The following NELFB variants were observed in gnomAD, a reference collection of about 807,000 sequenced individuals.
The protein encoded by NELFB is negative elongation factor complex member B, also known as negative elongation factor B.
A neutral mutation model predicts 60.2 loss-of-function variants in NELFB; 34 were observed. The observed-to-expected ratio is 0.56, with a 90% CI of 0.43 to 0.75. NELFB has a LOEUF of 0.75. Among genes scored for constraint, NELFB ranks in the 30% least tolerant of loss-of-function variants. The pLI is 0.00. For missense variants in NELFB, 770 were observed against 831.6 expected (o/e 0.93, Z 0.91); for synonymous variants, 459 against 382.1 (o/e 1.20, Z -2.35).
rs1271490069 is a variant in NELFB, at chr9:137,269,424, T to G, written c.1489+2078T>G. On this transcript the variant is annotated intron_variant, in intron 10 of 12. Transcript: ENST00000343053. The surrounding 1 kb of genome is among the most constrained non-coding windows in gnomAD (Gnocchi z 5.3). ...GGGCAGAGCCGGTTTGTTTATTTTT[T>G]GAGACTTCCGGGAACATAGTTATAA... Among the ~76,000 whole-genome samples, 1 of 152,206 alleles carries G rather than the reference T, an allele frequency of 6.6e-6. No individual in the cohort carries two copies. Among genetic ancestry groups the G allele is most frequent in the African/African-American group, 2.4e-5 (1 of 41,448 alleles).
rs1320799303 is a variant in NELFB, at chr9:137,263,049, C to G, written c.754C>G (p.Leu252Val). 2 of 1,612,684 alleles carry G rather than the reference C, an allele frequency of 1.2e-6. No homozygotes were observed. Among genetic ancestry groups the G allele is most frequent in the East Asian group, 4.5e-5 (2 of 44,810 alleles). ...CCTCTTGCTGCAGGTGGTGCAGCGG[C>G]TGACGCGGATGGTGGGGAAGAACGT... The change falls in exon 5 of 13, where the codon CTG (leucine) becomes GTG (valine). Residue 252 changes from leucine (L) to valine (V), a missense_variant. Physicochemically the swap from Leu to Val is conservative, Grantham distance 32. Transcript: ENST00000343053.
chr9:137,264,506 C>T, intron 6 of NELFB, 149 bp downstream of exon 6: 1 of 635,554 alleles, frequency 1.6e-6, no homozygotes. Flanking sequence ...CGTTCTGTAG[C>T]CCAGGATGGA....
Position 137,255,974 on chromosome 9 carries a change from C to T in NELFB, c.314C>T (p.Pro105Leu), listed in dbSNP as rs1472799424. 2 of 1,613,806 alleles carry T rather than the reference C, an allele frequency of 1.2e-6. No individual in the cohort carries two copies. Among genetic ancestry groups the T allele is most frequent in the African/African-American group, 1.3e-5 (1 of 74,908 alleles). ...CCCTTCTTGGACCTGCACGGGACGC[C>T]GCGGCTGGAGTTCCACCAGTCGGTA... is the stretch of plus-strand genomic sequence containing the variant. The change falls in exon 2 of 13, where the codon CCG (proline) becomes CTG (leucine). Residue 105 changes from proline to leucine, a missense_variant. Coordinates refer to ENST00000343053, the MANE Select transcript of NELFB (RefSeq NM_015456.5).
chr9:137,273,091 G>GGAA lies in NELFB; in HGVS notation c.*164_*165insAAG. On this transcript the variant is annotated 3_prime_UTR_variant, in exon 13 of 13. Transcript: ENST00000343053. ...CCCCTGCTTCCTGCTCCTTGGAGCT[G>GGAA]GCTCCCGGACCTTGCCCACCATCCA... 3 of 773,656 alleles carry GGAA rather than the reference G, an allele frequency of 3.9e-6. No individual in the cohort carries two copies. The highest frequency in any genetic ancestry group is 5.8e-6 in the Non-Finnish European group (3 of 516,472). The allele number at this position is 773,656 out of a possible 1,614,324, so 47.9% of individuals were successfully genotyped here.
Sources: allele counts gnomAD v4.1 joint callset (sites outside exome capture counted in the v4.1 genomes callset), GRCh38; gene constraint gnomAD v4.1.1; non-coding constraint Gnocchi (gnomAD v3.1); transcripts MANE v1.5; gene names NCBI Gene and HGNC (gene_info 2026-07-23, HGNC 2026-07-21).